USP35: variants seen among roughly 807,000 people sequenced by gnomAD.
The protein encoded by USP35 is ubiquitin specific peptidase 35.
A neutral mutation model predicts 83.8 loss-of-function variants in USP35; 69 were observed. That is an observed-to-expected ratio of 0.82 (90% CI 0.68 to 1.01). The LOEUF (loss-of-function observed/expected upper bound fraction) is 1.01. Ranked by LOEUF, USP35 falls within the 50% of genes least tolerant of loss-of-function variation. The probability of loss-of-function intolerance (pLI) is 0.00; values close to 1 mark genes in which losing one functional copy is unlikely to be tolerated. For synonymous variants in USP35, 714 were observed against 589.5 expected (o/e 1.21, Z -3.06); for missense variants, 1,503 against 1,362.5 (o/e 1.10, Z -1.62).
chr11:78,220,532 GT>G, the USP35 span: 3 of 1,160,800 alleles, frequency 2.6e-6, no homozygotes, highest in Admixed American at 2.4e-5. Context: ...TAAGAACACT[GT>G]TTCCCTGAGC....
chr11:78,228,170 C>T, the USP35 span, among the ~76,000 whole-genome samples: 5 of 152,144 alleles, frequency 3.3e-5, no homozygotes, highest in South Asian at 2.1e-4. Flanking sequence ...CATCTGGCCC[C>T]GATGCTCTAC....
At chr11:78,195,700 G>A (rs866011512) in intron 1 of USP35, among the ~76,000 whole-genome samples, 7 of 152,152 alleles carry the variant, frequency 4.6e-5, no homozygotes, top group Non-Finnish European at 8.8e-5. Flanking sequence ...GCCTTTGTGC[G>A]ATTAAAGGCG....
At chr11:78,190,918 C>T (rs1375608347) in intron 1 of USP35, among the ~76,000 whole-genome samples, 1 of 152,228 alleles carries the variant, frequency 6.6e-6, no homozygotes, top group East Asian at 1.9e-4. Flanking sequence ...CCACCCCTGC[C>T]CCACATCAGC....
Position 78,188,985 on chromosome 11 carries a change from G to A in USP35, c.-183G>A. 2.0e-6 allele frequency: 2 copies of A among 981,898 alleles called. No individual in the cohort carries two copies. Among genetic ancestry groups the A allele is most frequent in the Non-Finnish European group, 1.2e-6 (1 of 826,630 alleles). 60.8% of individuals were successfully genotyped at this position (981,898 alleles called of 1,614,324 possible). On this transcript the variant is annotated 5_prime_UTR_variant, in exon 1 of 11. Transcript: ENST00000529308. ...TAGAGGCTTGTGCCAGGCGGGGTGG[G>A]AAGACTGGATTTTGCAGTGGAAGCA... is the stretch of plus-strand genomic sequence containing the variant.
At chr11:78,231,397 G>A in the USP35 span, among the ~76,000 whole-genome samples, 1 of 150,398 alleles carries the variant, frequency 6.6e-6, no homozygotes, top group South Asian at 2.1e-4. Context: ...CTCCCAGGCT[G>A]GAGTGCAGTG....
downstream of USP35, chr11:78,218,938 C>G (rs114018411): frequency 0.023 from 5,339 of 234,350 alleles, 269 homozygotes; most frequent in African/African-American, 0.11. Flanking sequence ...AGCCCCAGCC[C>G]TTCCCTCCAA....
In USP35 at chr11:78,210,072, G is replaced by C. The variant is rs908558145; in HGVS notation, c.2217G>C (p.Gly739=). The C allele has an allele frequency of 3.8e-5, 61 of 1,613,828 alleles. No individual in the cohort carries two copies. Among genetic ancestry groups the C allele is most frequent in the Admixed American group, 6.7e-5 (4 of 60,002 alleles). The change falls in exon 10 of 11, where the codon GGG becomes GGC. Residue 739 remains glycine, a synonymous_variant. Transcript: ENST00000529308. ...QEKEEDSLGA[G]THPDAAIPSG... ...AGGAAGAAGACAGCCTGGGAGCGGG[G>C]ACCCACCCGGATGCTGCCATCCCCT...
chr11:78,224,308 C>T, the USP35 span, among the ~76,000 whole-genome samples: 1,886 of 152,260 alleles, frequency 0.012, 22 homozygotes, highest in Middle Eastern at 0.017. Flanking sequence ...ACCTGCCCTC[C>T]ACCTCAAGTC....
chr11:78,220,915 C>T, the USP35 span, among the ~76,000 whole-genome samples: 3 of 152,174 alleles, frequency 2.0e-5, no homozygotes, highest in Non-Finnish European at 4.4e-5. Flanking sequence ...CCAAATCAGC[C>T]CCTGTGAAAC....
At chr11:78,200,360 T>C in intron 5 of USP35, 126 bp downstream of exon 5, 3 of 1,165,220 alleles carry the variant, frequency 2.6e-6, no homozygotes, top group Non-Finnish European at 3.7e-6. Flanking sequence ...GTCACTTGGC[T>C]GAGGCCAAGC....
Position 78,198,063 on chromosome 11 carries a change from T to A in USP35, c.801T>A (p.Ile267=), listed in dbSNP as rs761212810. Residue 267 remains isoleucine (I), a synonymous_variant, in exon 3 of 11, where the codon ATT becomes ATA. Coordinates refer to ENST00000529308, the MANE Select transcript of USP35 (RefSeq NM_020798.4). ...SVTDSQMLTA[I]SRMIDWVSWP... ...CAGACTCGCAGATGCTGACTGCCAT[T>A]AGCAGGTGGGACGCTGAGGCTGAGC... 3 of 1,614,050 alleles carry A rather than the reference T, an allele frequency of 1.9e-6. No homozygotes were observed. In the African/African-American group the frequency reaches 4.0e-5, roughly 22 times the overall value.
chr11:78,210,289 T>C lies in USP35; in HGVS notation c.2434T>C (p.Ser812Pro), dbSNP rs748967500. The C allele has an allele frequency of 6.2e-7, 1 of 1,614,070 alleles. No homozygotes were observed. The highest frequency in any genetic ancestry group is 8.5e-7 in the Non-Finnish European group (1 of 1,180,034). The change falls in exon 10 of 11, where the codon TCT becomes CCT. Residue 812 changes from serine to proline, a missense_variant. Ser to Pro is a moderately conservative substitution (Grantham distance 74, BLOSUM62 -1). Coordinates refer to ENST00000529308, the MANE Select transcript of USP35 (RefSeq NM_020798.4). ...CCTCATCCTCACACTGCTGCGCTTC[T>C]CTTTCGACCTGCGCACCATGCGGCG... The part of the protein sequence containing the change: ...CYLILTLLRF[S>P]FDLRTMRRRK...
At chr11:78,195,005 G>A (rs1040907801) in intron 1 of USP35, among the ~76,000 whole-genome samples, 1 of 152,204 alleles carries the variant, frequency 6.6e-6, no homozygotes, top group East Asian at 1.9e-4. Context: ...AGGTCTGCAG[G>A]GGGAGGGAAG....
chr11:78,224,973 C>T, the USP35 span: 1 of 637,746 alleles, frequency 1.6e-6, no homozygotes, highest in African/African-American at 1.8e-5. Flanking sequence ...GGGTTCTGAA[C>T]TGAGACAAGA....
downstream of USP35, chr11:78,216,144 A>C (rs552643381): frequency 2.0e-5 from 3 of 152,770 alleles, no homozygotes; most frequent in South Asian, 4.1e-4. Context: ...CAGCTAATCC[A>C]ACCTCCCATT....
At chr11:78,237,025 C>A in the USP35 span, among the ~76,000 whole-genome samples, 1 of 151,994 alleles carries the variant, frequency 6.6e-6, no homozygotes, top group Non-Finnish European at 1.5e-5. Flanking sequence ...TCATCTTTGC[C>A]AGATTTTGAT....
chr11:78,226,376 G>C, the USP35 span: 1 of 1,043,352 alleles, frequency 9.6e-7, no homozygotes, highest in Middle Eastern at 2.1e-4. Context: ...AGTTCCCCTC[G>C]GCCATGGATG....
chr11:78,202,286 A>C (rs1863380971), intron 6 of USP35, among the ~76,000 whole-genome samples: 1 of 152,224 alleles, frequency 6.6e-6, no homozygotes, highest in South Asian at 2.1e-4. Context: ...TACCATTAGC[A>C]AAAGAATGGT....
the USP35 span, chr11:78,221,650 C>CA: frequency 6.8e-7 from 1 of 1,464,116 alleles, no homozygotes; most frequent in Non-Finnish European, 9.5e-7. Flanking sequence ...TGAAAGGCGT[C>CA]ATTCCAGCGA....
Sources: allele counts gnomAD v4.1 joint callset (sites outside exome capture counted in the v4.1 genomes callset), GRCh38; gene constraint gnomAD v4.1.1; transcripts MANE v1.5; gene names NCBI Gene and HGNC (gene_info 2026-07-23, HGNC 2026-07-21).